CPLANE1: variants seen among roughly 807,000 people sequenced by gnomAD.
The protein encoded by CPLANE1 is ciliogenesis and planar polarity effector complex subunit 1, also known as ciliogenesis and planar polarity effector 1.
A neutral mutation model predicts 362.5 loss-of-function variants in CPLANE1; 263 were observed. The ratio of observed to expected loss-of-function variants is 0.73; its 90% CI spans 0.66 to 0.80. The LOEUF (loss-of-function observed/expected upper bound fraction) is 0.80, where lower values mean the gene tolerates loss of function less well. Among genes scored for constraint, CPLANE1 ranks in the 30% least tolerant of loss-of-function variants. The pLI is 0.00. For missense variants in CPLANE1, 3,461 were observed against 3,793.4 expected (o/e 0.91, Z 2.30); for synonymous variants, 1,212 against 1,302.6 (o/e 0.93, Z 1.50).
chr5:37,085,764 G>A, the CPLANE1 span: 7 of 1,431,496 alleles, frequency 4.9e-6, no homozygotes, highest in Non-Finnish European at 5.9e-6. Context: ...AACAAACCAT[G>A]GATTTCTCTT....
chr5:37,145,666 T>C (rs1312455456), intron 43 of CPLANE1, among the ~76,000 whole-genome samples: 2 of 151,988 alleles, frequency 1.3e-5, no homozygotes, highest in African/African-American at 4.8e-5. Flanking sequence ...AAAAATCTAA[T>C]GTATAATTTC....
chr5:37,085,469 G>A, the CPLANE1 span: 2 of 831,956 alleles, frequency 2.4e-6, no homozygotes, highest in Admixed American at 3.4e-5. Context: ...TCCCTCATCT[G>A]GTGACTCATG....
chr5:37,088,439 C>T, the CPLANE1 span, among the ~76,000 whole-genome samples: 6 of 152,098 alleles, frequency 3.9e-5, no homozygotes, highest in South Asian at 2.1e-4. Context: ...GTTTTCTATG[C>T]GGAGATCCAG....
At chr5:37,116,562 T>C (rs1761051718) in intron 50 of CPLANE1, among the ~76,000 whole-genome samples, 1 of 138,308 alleles carries the variant, frequency 7.2e-6, no homozygotes, top group Non-Finnish European at 1.5e-5. Flanking sequence ...AAGGTTGCAG[T>C]GAGCCATGAT....
At chr5:37,206,802 A>C (rs1242440952) in intron 16 of CPLANE1, among the ~76,000 whole-genome samples, 1 of 152,098 alleles carries the variant, frequency 6.6e-6, no homozygotes, top group East Asian at 1.9e-4. Context: ...ACAAAGTACA[A>C]TTTATTACCG....
rs751458398 is a variant in CPLANE1 at position 37,157,666 on chromosome 5, T to C, written c.8011+4A>G. 1 of 1,610,068 alleles carries C rather than the reference T, an allele frequency of 6.2e-7. No individual in the cohort carries two copies. The highest frequency in any genetic ancestry group is 8.5e-7 in the Non-Finnish European group (1 of 1,178,226). The stretch of plus-strand genomic sequence containing the variant: ...TATTTGTTTTAAAAGTAGGAAAAAA[T>C]TACCTTGACTCTTAAAATTATGTGG... On this transcript the variant is annotated splice_donor_region_variant and intron_variant, in intron 40 of 52. Transcript: ENST00000651892.
At chr5:37,156,437 CTA>C (rs1775128720) in intron 41 of CPLANE1, among the ~76,000 whole-genome samples, 1 of 152,116 alleles carries the variant, frequency 6.6e-6, no homozygotes, top group African/African-American at 2.4e-5. Context: ...GACCCTGTCT[CTA>C]TGAAAAATTT....
At chr5:37,238,193 G>A (rs1184612053) in intron 8 of CPLANE1, among the ~76,000 whole-genome samples, 1 of 152,136 alleles carries the variant, frequency 6.6e-6, no homozygotes, top group East Asian at 1.9e-4. Flanking sequence ...GTGTGTGTGT[G>A]ACAGAGTCTC....
rs538461352 is a variant in CPLANE1 at position 37,107,346 on chromosome 5, T to G, written c.*256A>C. On this transcript the variant is annotated 3_prime_UTR_variant, in exon 53 of 53. Transcript: ENST00000651892. ...TTGGCTTGAAAGGTACTTATCATTTTAAAAATTATGCCTAATGATGCATCA... is the reference window on the plus strand; with the variant it reads ...TTGGCTTGAAAGGTACTTATCATTTGAAAAATTATGCCTAATGATGCATCA... 1 of 1,192,410 alleles carries G rather than the reference T, an allele frequency of 8.4e-7. No homozygotes were observed. Among genetic ancestry groups the G allele is most frequent in the Admixed American group, 4.3e-5 (1 of 23,098 alleles). The allele number at this position is 1,192,410 out of a possible 1,614,324, so 73.9% of individuals were successfully genotyped here.
chr5:37,135,599 T>TCGAGGTGGGCGGATCA (rs1182864973), intron 46 of CPLANE1, among the ~76,000 whole-genome samples: 90 of 152,124 alleles, frequency 5.9e-4, no homozygotes, highest in Non-Finnish European at 1.1e-3. Context: ...CTTTGGGAAG[T>TCGAGGTGGGCGGATCA]CGAGGTGGGC....
rs754258488 is a variant in CPLANE1, at chr5:37,244,467, G to T, written c.478C>A (p.Arg160=). Residue 160 remains arginine (R), a synonymous_variant, in exon 5 of 53, where the codon CGG becomes AGG. Transcript: ENST00000651892. The part of the protein sequence containing the change: ...LSSKSLSLAG[R]WSQVIPEEAV... ...TCTTCAGGTATGACCTGGGACCACC[G>T]ACCCGCCAATGAAAGGCTTTTAGAA... The T allele has an allele frequency of 3.2e-6, 5 of 1,551,232 alleles. No individual in the cohort carries two copies. The highest frequency in any genetic ancestry group is 1.4e-5 in the African/African-American group (1 of 72,968).
intron 43 of CPLANE1, among the ~76,000 whole-genome samples, chr5:37,144,396 C>CT (rs1770839960): frequency 1.2e-5 from 1 of 84,134 alleles, no homozygotes; most frequent in Non-Finnish European, 2.3e-5. Context: ...GAGACTTTGT[C>CT]TAAAAAAAAA....
At chr5:37,087,220 T>C in the CPLANE1 span, among the ~76,000 whole-genome samples, 5 of 152,258 alleles carry the variant, frequency 3.3e-5, no homozygotes, top group Admixed American at 1.3e-4. Flanking sequence ...AACAGCATTA[T>C]GCACAAGGGC....
At chr5:37,085,710 GC>G in the CPLANE1 span, 1 of 1,202,492 alleles carries the variant, frequency 8.3e-7, no homozygotes, top group Non-Finnish European at 1.2e-6. Flanking sequence ...AATGGCAACA[GC>G]TTTGCTACTC....
chr5:37,221,222 G>C, intron 15 of CPLANE1, 102 bp downstream of exon 15: 1 of 669,326 alleles, frequency 1.5e-6, no homozygotes, highest in East Asian at 3.0e-5. Flanking sequence ...AGGCGGCTGA[G>C]GTAGAAGGAT....
At chr5:37,137,174 CTAAA>C (rs1767978127) in intron 46 of CPLANE1, among the ~76,000 whole-genome samples, 1 of 152,166 alleles carries the variant, frequency 6.6e-6, no homozygotes, top group South Asian at 2.1e-4. Flanking sequence ...ACTGGATACC[CTAAA>C]TAATCTCTCT....
At chr5:37,141,949 G>T (rs1769877023) in intron 44 of CPLANE1, 1 of 525,992 alleles carries the variant, frequency 1.9e-6, no homozygotes. Context: ...CATGGTAGAG[G>T]CTCAAGAAAT....
chr5:37,184,912 G>C lies in CPLANE1; in HGVS notation c.4357C>G (p.Leu1453Val). The C allele has an allele frequency of 6.2e-7, 1 of 1,614,050 alleles. No homozygotes were observed. Among genetic ancestry groups the C allele is most frequent in the Middle Eastern group, 1.6e-4 (1 of 6,062 alleles). The change falls in exon 25 of 53, where the codon CTG (leucine) becomes GTG (valine). Residue 1453 changes from leucine to valine, a missense_variant. Transcript: ENST00000651892. ...DEAPGVDRYS[L>V]GTSLSRSTLT... ...GTACTTCTGCTCAAACTAGTCCCCA[G>C]GGAATATCTGTCAACACCTGGAGCC... is the stretch of plus-strand genomic sequence containing the variant.
Position 37,226,791 on chromosome 5 carries a change from T to G in CPLANE1, c.1804A>C (p.Ile602Leu). Reference protein sequence around the residue: ...NLMLNYIVVCITHFFYILQFI... With the variant: ...NLMLNYIVVCLTHFFYILQFI... ...TGAAGAATGTAAAAAAAATGAGTGA[T>G]ACAAACTACTATGTAATTTAACATT... The change falls in exon 12 of 53, where the codon ATC becomes CTC. Residue 602 changes from isoleucine (I) to leucine (L), a missense_variant. This residue lies in a region of CPLANE1 where 3,380 missense variants were observed against 3,666.1 expected (regional missense o/e 0.92). Coordinates refer to ENST00000651892, the MANE Select transcript of CPLANE1 (RefSeq NM_001384732.1). 6.5e-7 allele frequency: 1 copy of G among 1,547,648 alleles called. No individual in the cohort carries two copies. Among genetic ancestry groups the G allele is most frequent in the South Asian group, 1.2e-5 (1 of 83,054 alleles).
Sources: gnomAD v4.1 joint callset for allele counts (sites outside exome capture counted in the v4.1 genomes callset) on GRCh38, gnomAD v4.1.1 for gene constraint, gnomAD v4.1.1 regional missense constraint, MANE v1.5 for transcripts, NCBI Gene and HGNC (gene_info 2026-07-23, HGNC 2026-07-21) for gene names.